NXPH1: variants seen among roughly 807,000 people sequenced by gnomAD.
The protein encoded by NXPH1 is neurexophilin-1.
Under a neutral mutation model 23.7 loss-of-function variants are expected in NXPH1, and 5 were observed. The observed-to-expected ratio is 0.21, with a 90% CI of 0.11 to 0.44. The LOEUF is 0.44. NXPH1 is among the 20% of genes least tolerant of loss of function. The pLI is 0.99. For synonymous variants in NXPH1, 144 were observed against 122.2 expected, an observed-to-expected ratio of 1.18 and a Z score of -1.18; for missense variants, 324 against 321.6, an observed-to-expected ratio of 1.01 and a Z score of -0.06.
At chr7:8,731,210 C>T (rs541818646) in intron 2 of NXPH1, among the ~76,000 whole-genome samples, 24 of 152,148 alleles carry the variant, frequency 1.6e-4, no homozygotes, top group African/African-American at 5.5e-4. Context: ...TTAAGCACTT[C>T]TCTGTATTGA....
intron 2 of NXPH1, among the ~76,000 whole-genome samples, chr7:8,582,820 G>A (rs906351512): frequency 1.3e-5 from 2 of 152,196 alleles, no homozygotes; most frequent in African/African-American, 2.4e-5. Flanking sequence ...CTGGCTTGAA[G>A]GTGGAGCTTC....
rs150811552 is a variant in NXPH1, at chr7:8,516,829, C to T, written c.54+81062C>T. Among the ~76,000 whole-genome samples, 255 of 152,106 alleles carry T rather than the reference C, an allele frequency of 1.7e-3. 1 individual carries two copies. Among genetic ancestry groups the T allele is most frequent in the African/African-American group, 5.4e-3 (223 of 41,494 alleles). On this transcript the variant is annotated intron_variant, in intron 2 of 2. Transcript: ENST00000405863. ...TGTTTATTAACAACAAAATCATGAA[C>T]GACTATAGAGAGAGCCAATGCCCAG... is the stretch of plus-strand genomic sequence containing the variant.
At chr7:8,565,444 C>G (rs1435462326) in intron 2 of NXPH1, among the ~76,000 whole-genome samples, 1 of 151,716 alleles carries the variant, frequency 6.6e-6, no homozygotes, top group East Asian at 1.9e-4. Flanking sequence ...AAATCTGATT[C>G]AAGAGCTTAT....
intron 2 of NXPH1, among the ~76,000 whole-genome samples, chr7:8,607,009 G>C: frequency 6.6e-6 from 1 of 152,072 alleles, no homozygotes; most frequent in East Asian, 1.9e-4. Context: ...TTGGTAATCT[G>C]AGGACATATT....
intron 2 of NXPH1, among the ~76,000 whole-genome samples, chr7:8,616,629 A>T (rs79840373): frequency 6.6e-6 from 1 of 152,008 alleles, no homozygotes; most frequent in Admixed American, 6.6e-5. Context: ...AAGCATATGT[A>T]AGGGCCCCAA....
At chr7:8,468,600 G>C (rs886882856) in intron 2 of NXPH1, among the ~76,000 whole-genome samples, 1 of 152,020 alleles carries the variant, frequency 6.6e-6, no homozygotes, top group Non-Finnish European at 1.5e-5. Context: ...GGAAACTATG[G>C]CCTGGGATTC....
At chr7:8,517,121 A>G (rs1296457602) in intron 2 of NXPH1, among the ~76,000 whole-genome samples, 1 of 152,138 alleles carries the variant, frequency 6.6e-6, no homozygotes, top group Non-Finnish European at 1.5e-5. Context: ...AAGAAGATAG[A>G]TGTAGCATTT....
At chr7:8,705,219 A>C (rs552030461) in intron 2 of NXPH1, among the ~76,000 whole-genome samples, 70 of 152,282 alleles carry the variant, frequency 4.6e-4, no homozygotes, top group African/African-American at 1.6e-3. Context: ...TCCTGAATTA[A>C]CAAATGGAGT....
chr7:8,512,211 G>T (rs989241127), intron 2 of NXPH1, among the ~76,000 whole-genome samples: 1 of 152,236 alleles, frequency 6.6e-6, no homozygotes, highest in East Asian at 1.9e-4. Context: ...TGTAAGAAGC[G>T]CAAAGAATCA....
At chr7:8,570,182 T>G (rs940257431) in intron 2 of NXPH1, among the ~76,000 whole-genome samples, 20 of 152,032 alleles carry the variant, frequency 1.3e-4, no homozygotes, top group Admixed American at 1.2e-3. Flanking sequence ...AAAAATTGAC[T>G]CAGAAGAGAT....
At chr7:8,632,112 G>T (rs1820144189) in intron 2 of NXPH1, among the ~76,000 whole-genome samples, 1 of 152,058 alleles carries the variant, frequency 6.6e-6, no homozygotes, top group Non-Finnish European at 1.5e-5. Flanking sequence ...CCATCAGATG[G>T]CTGTGGTAAC....
intron 2 of NXPH1, among the ~76,000 whole-genome samples, chr7:8,720,867 C>G (rs1562464844): frequency 2.0e-5 from 3 of 152,270 alleles, no homozygotes; most frequent in South Asian, 4.1e-4. Flanking sequence ...CAGTGCACAT[C>G]AGTACAACCC....
chr7:8,643,752 A>G (rs1339062598), intron 2 of NXPH1, among the ~76,000 whole-genome samples: 1 of 152,154 alleles, frequency 6.6e-6, no homozygotes, highest in Non-Finnish European at 1.5e-5. Context: ...ACTTTTGCAT[A>G]GAGGTTTATT....
chr7:8,721,374 T>C (rs573993312), intron 2 of NXPH1, among the ~76,000 whole-genome samples: 9 of 152,302 alleles, frequency 5.9e-5, no homozygotes, highest in Non-Finnish European at 1.3e-4. Flanking sequence ...TTGGAAATTA[T>C]ACCAAAATAA....
At chr7:8,718,231 A>G (rs1351969053) in intron 2 of NXPH1, among the ~76,000 whole-genome samples, 2 of 152,198 alleles carry the variant, frequency 1.3e-5, no homozygotes, top group African/African-American at 4.8e-5. Context: ...GCTTTTGATT[A>G]AAACATAGTT....
intron 2 of NXPH1, among the ~76,000 whole-genome samples, chr7:8,455,440 T>C (rs1259924797): frequency 6.6e-6 from 1 of 152,036 alleles, no homozygotes; most frequent in Non-Finnish European, 1.5e-5. Flanking sequence ...AGGAAATGAG[T>C]GGATCTTTTA....
intron 2 of NXPH1, among the ~76,000 whole-genome samples, chr7:8,589,971 G>A (rs917332019): frequency 1.3e-5 from 2 of 152,096 alleles, no homozygotes; most frequent in Admixed American, 6.5e-5. Context: ...ACCACATGGG[G>A]TTAGGGGTTC....
At chr7:8,650,674 G>T (rs1316050983) in intron 2 of NXPH1, among the ~76,000 whole-genome samples, 1 of 152,074 alleles carries the variant, frequency 6.6e-6, no homozygotes, top group Non-Finnish European at 1.5e-5. Flanking sequence ...AGTCTCTTTA[G>T]TTGCCACATG....
intron 2 of NXPH1, among the ~76,000 whole-genome samples, chr7:8,609,127 T>C (rs976286639): frequency 2.0e-4 from 31 of 152,204 alleles, no homozygotes; most frequent in African/African-American, 7.5e-4. Context: ...ATTCATATAT[T>C]ATTTAACAAT....
Sources: allele counts gnomAD v4.1 joint callset (sites outside exome capture counted in the v4.1 genomes callset), GRCh38; gene constraint gnomAD v4.1.1; transcripts MANE v1.5; gene names NCBI Gene and HGNC (gene_info 2026-07-23, HGNC 2026-07-21).